CCDC57: variants seen among roughly 807,000 people sequenced by gnomAD.
The protein encoded by CCDC57 is coiled-coil domain containing 57.
Under a neutral mutation model 118.9 loss-of-function variants are expected in CCDC57, and 118 were observed. The observed-to-expected ratio is 0.99, with a 90% CI of 0.86 to 1.16. The LOEUF is 1.16. Ranked by LOEUF, CCDC57 falls within the 50% of genes most tolerant of loss-of-function variation. CCDC57 has a pLI of 0.00. For missense variants in CCDC57, 1,300 were observed against 1,320.7 expected, an observed-to-expected ratio of 0.98 and a Z score of 0.24; for synonymous variants, 527 against 532.9, an observed-to-expected ratio of 0.99 and a Z score of 0.15.
Position 82,167,411 on chromosome 17 carries a change from C to T in CCDC57, c.1883-4054G>A, listed in dbSNP as rs1019163913. 1.4e-3 allele frequency among the ~76,000 whole-genome samples: 210 copies of T among 151,064 alleles called. 1 individual carries two copies. The highest frequency in any genetic ancestry group is 4.4e-3 in the African/African-American group (182 of 41,090). On this transcript the variant is annotated intron_variant, in intron 13 of 19. Transcript: ENST00000665763. ...TGTAGCCCAGGCTGGAGTGCAGTGG[C>T]GCGATGTCGGCTCACTGCAACCTCC...
At chr17:82,177,533 G>GCGAGAC (rs1258569421) in intron 11 of CCDC57, among the ~76,000 whole-genome samples, 4 of 152,146 alleles carry the variant, frequency 2.6e-5, no homozygotes, top group Admixed American at 2.6e-4. Context: ...GGGCAACAAA[G>GCGAGAC]CGAGACCGAG....
At chr17:82,167,741 A>G (rs1263069760) in intron 13 of CCDC57, among the ~76,000 whole-genome samples, 2 of 151,980 alleles carry the variant, frequency 1.3e-5, no homozygotes, top group East Asian at 3.9e-4. Context: ...TCGGCCTCCC[A>G]AAGTGCTGGG....
Position 82,162,008 on chromosome 17 carries a change from T to A in CCDC57, c.2040+1192A>T, listed in dbSNP as rs952828035. ...TGAATTTTACCACAATTAAAAAAAT[T>A]TTTTTTTTGAGATGGAGTTTCGCTC... On this transcript the variant is annotated intron_variant, in intron 14 of 19. Transcript: ENST00000665763. Among the ~76,000 whole-genome samples, 28 of 48,066 alleles carry A rather than the reference T, an allele frequency of 5.8e-4. No individual in the cohort carries two copies. In the South Asian group the frequency reaches 8.4e-3, roughly 14 times the overall value. 31.5% of individuals were successfully genotyped at this position (48,066 alleles called of 152,430 possible). A position where few individuals can be genotyped will look rare whatever the true frequency, so the allele number is the denominator to read the frequency against.
intron 19 of CCDC57, chr17:82,126,619 A>G (rs920470475): frequency 1.0e-6 from 1 of 985,256 alleles, no homozygotes; most frequent in African/African-American, 1.7e-5. Context: ...CCGTGTGGCT[A>G]CAGGACTCTC....
intron 19 of CCDC57, among the ~76,000 whole-genome samples, chr17:82,106,064 C>G (rs1330831290): frequency 6.6e-6 from 1 of 152,260 alleles, no homozygotes; most frequent in Non-Finnish European, 1.5e-5. Flanking sequence ...GGCTACTCCC[C>G]CAACGGCACT....
intron 19 of CCDC57, chr17:82,126,801 G>A (rs1317138533): frequency 7.1e-6 from 7 of 985,306 alleles, no homozygotes; most frequent in Non-Finnish European, 6.0e-6. Context: ...TATCTGTGAC[G>A]GTAAAGGACT....
chr17:82,157,335 C>T (rs1028753318), intron 15 of CCDC57: 6 of 607,782 alleles, frequency 9.9e-6, no homozygotes, highest in African/African-American at 7.9e-5. Flanking sequence ...CCCCTCCCCA[C>T]GCAGGGAGGG....
At chr17:82,170,583 G>C (rs1051308104) in intron 13 of CCDC57, among the ~76,000 whole-genome samples, 29 of 151,744 alleles carry the variant, frequency 1.9e-4, no homozygotes, top group Admixed American at 5.3e-4. Flanking sequence ...GAGCACGCAG[G>C]GGGAGAGTCC....
At chr17:82,163,217 T>A (rs540677838) in exon 14 of CCDC57, 1 of 1,613,904 alleles carries the variant, frequency 6.2e-7, no homozygotes, top group Admixed American at 1.7e-5. Context: ...CTGAGTCGTG[T>A]CACCAGCAGG....
At chr17:82,166,669 A>G (rs944917206) in intron 13 of CCDC57, among the ~76,000 whole-genome samples, 2 of 151,888 alleles carry the variant, frequency 1.3e-5, no homozygotes, top group Non-Finnish European at 2.9e-5. Context: ...ACACTTTGGG[A>G]GGCTGAGGCA....
chr17:82,164,128 C>T (rs899270160), intron 13 of CCDC57, among the ~76,000 whole-genome samples: 5 of 152,132 alleles, frequency 3.3e-5, no homozygotes, highest in African/African-American at 1.2e-4. Context: ...GTAATCTCAG[C>T]ACTTTGGGAG....
At chr17:82,111,275 T>C (rs186494985) in intron 19 of CCDC57, among the ~76,000 whole-genome samples, 4 of 150,214 alleles carry the variant, frequency 2.7e-5, no homozygotes, top group Non-Finnish European at 4.4e-5. Context: ...TTTTTTTGTA[T>C]TTTTTTTAGT....
chr17:82,132,759 C>CTTTTTTTTTTTTTTTTTTTT (rs71166188), intron 17 of CCDC57, among the ~76,000 whole-genome samples: 1 of 123,948 alleles, frequency 8.1e-6, no homozygotes. Context: ...GACAACCTTG[C>CTTTTTTTTTTTTTTTTTTTT]TTTTTTTTTT....
chr17:82,101,718 C>T, exon 20 of CCDC57: 2 of 1,607,668 alleles, frequency 1.2e-6, no homozygotes, highest in Non-Finnish European at 1.7e-6. Context: ...TCTTGGGGGG[C>T]CTCTGGCAGC....
chr17:82,140,832 G>A (rs894039863), intron 16 of CCDC57, among the ~76,000 whole-genome samples: 56 of 152,260 alleles, frequency 3.7e-4, no homozygotes, highest in African/African-American at 1.3e-3. Flanking sequence ...AGGTGCATCT[G>A]GAGGGCATTG....
intron 19 of CCDC57, chr17:82,113,426 G>A (rs1373372477): frequency 1.4e-6 from 1 of 717,682 alleles, no homozygotes; most frequent in Non-Finnish European, 2.6e-6. Context: ...GACAGGAGCA[G>A]GTAGTGAGAA....
chr17:82,153,174 C>G (rs1293159508), intron 15 of CCDC57, among the ~76,000 whole-genome samples: 1 of 152,002 alleles, frequency 6.6e-6, no homozygotes, highest in Admixed American at 6.6e-5. Context: ...GAGGCCAAGG[C>G]AGAGGGAGAG....
intron 16 of CCDC57, chr17:82,135,165 G>C (rs914126714): frequency 1.3e-5 from 2 of 151,950 alleles, no homozygotes; most frequent in Admixed American, 1.3e-4. Context: ...GCAGTGGCGC[G>C]ATCTCGACAC....
At chr17:82,109,294 C>T (rs929106749) in intron 19 of CCDC57, among the ~76,000 whole-genome samples, 10 of 152,224 alleles carry the variant, frequency 6.6e-5, no homozygotes, top group South Asian at 4.1e-4. Flanking sequence ...CGCATGCCTG[C>T]GAGGGGCCTA....
Sources: allele counts gnomAD v4.1 joint callset (sites outside exome capture counted in the v4.1 genomes callset), GRCh38; gene constraint gnomAD v4.1.1; transcripts MANE v1.5; gene names NCBI Gene and HGNC (gene_info 2026-07-23, HGNC 2026-07-21).